The following COQ9 variants were observed in gnomAD, a reference collection of about 807,000 sequenced individuals.
COQ9 encodes the protein coenzyme Q9, also known as ubiquinone biosynthesis protein COQ9, mitochondrial.
In COQ9, 35 loss-of-function variants were observed where a neutral mutation model predicts 42.4. That is an observed-to-expected ratio of 0.83 (90% CI 0.63 to 1.10). COQ9 has a LOEUF of 1.10. COQ9 is among the 50% of genes least tolerant of loss of function. The pLI is 0.00. For synonymous variants in COQ9, 155 were observed against 155.1 expected (o/e 1.00, Z 0.00); for missense variants, 406 against 414.6 (o/e 0.98, Z 0.18).
chr16:57,452,309 A>T (rs2030306932), intron 2 of COQ9, among the ~76,000 whole-genome samples: 2 of 152,112 alleles, frequency 1.3e-5, no homozygotes, highest in Non-Finnish European at 2.9e-5. Flanking sequence ...GCCTATGGGG[A>T]GGGGAAGGAT....
At chr16:57,456,909 T>A in intron 4 of COQ9, 22 bp from the exon 5 acceptor site, 1 of 1,601,740 alleles carries the variant, frequency 6.2e-7, no homozygotes, top group Non-Finnish European at 8.6e-7. Flanking sequence ...AGAGACACAC[T>A]GTTTTCTTTT....
Position 57,456,577 on chromosome 16 carries a change from C to T in COQ9, c.452C>T (p.Thr151Ile), listed in dbSNP as rs1362942475. The change falls in exon 4 of 9, where the codon ACC becomes ATC. Residue 151 changes from threonine to isoleucine, a missense_variant. Coordinates refer to ENST00000262507, the MANE Select transcript of COQ9 (RefSeq NM_020312.4). ...AGTGAGCTAATACTGCATTTTGTGA[C>T]CCAGTGCAATACCCGGCTCACACGT... ...DGSELILHFV[T>I]QCNTRLTRVL... is the part of the protein sequence containing the mutation. The T allele has an allele frequency of 6.2e-7, 1 of 1,614,006 alleles. No homozygotes were observed. The highest frequency in any genetic ancestry group is 8.5e-7 in the Non-Finnish European group (1 of 1,180,016).
At position 57,458,317 on chromosome 16, in the gene COQ9, C is replaced by T; in HGVS notation, c.678C>T (p.Asp226=). 1 of 1,613,150 alleles carries T rather than the reference C, an allele frequency of 6.2e-7. No individual in the cohort carries two copies. The highest frequency in any genetic ancestry group is 1.3e-5 in the African/African-American group (1 of 75,052). Residue 226 remains aspartate (D), a synonymous_variant, in exon 6 of 9, where the codon GAC becomes GAT. Coordinates refer to ENST00000262507, the MANE Select transcript of COQ9 (RefSeq NM_020312.4). ...GCCTGCTCACCAGCATGGTGGATGA[C>T]ATGTGGCATTACGCTGGGGACCAGT... The part of the protein sequence containing the change: ...SLSLLTSMVD[D]MWHYAGDQST...
chr16:57,456,965 G>C lies in COQ9; in HGVS notation c.556G>C (p.Val186Leu), dbSNP rs2030418810. The part of the protein sequence containing the change: ...RKTDQFLRDA[V>L]ETRLRMLIPY... ...GACAGACCAGTTCCTGAGGGATGCA[G>C]TGGAAACCAGACTGAGAATGCTGAT... Residue 186 changes from valine (V) to leucine (L), a missense_variant, in exon 5 of 9, where the codon GTG becomes CTG. Coordinates refer to ENST00000262507, the MANE Select transcript of COQ9 (RefSeq NM_020312.4). The C allele has an allele frequency of 1.4e-5, 22 of 1,614,040 alleles. No homozygotes were observed. The highest frequency in any genetic ancestry group is 1.9e-5 in the Non-Finnish European group (22 of 1,180,010).
intron 4 of COQ9, 113 bp from the exon 5 acceptor site, chr16:57,456,818 C>T (rs2030415116): frequency 7.7e-7 from 1 of 1,292,164 alleles, no homozygotes; most frequent in Non-Finnish European, 1.1e-6. Flanking sequence ...CGGCTTTAGT[C>T]AGGCCAGCGT....
intron 3 of COQ9, chr16:57,453,152 A>ATAG: frequency 1.6e-6 from 1 of 607,590 alleles, no homozygotes. Flanking sequence ...GTTGTGTTCT[A>ATAG]AAGGCAATCT....
chr16:57,454,244 A>G (rs868698076), intron 3 of COQ9: 1 of 152,240 alleles, frequency 6.6e-6, no homozygotes, highest in African/African-American at 2.4e-5. Context: ...CAAAACTACC[A>G]TATTTCATTG....
rs1311234634 is a variant in COQ9 at position 57,456,662 on chromosome 16, T to C, written c.521+16T>C. 3.7e-6 allele frequency: 6 copies of C among 1,611,896 alleles called. No individual in the cohort carries two copies. The highest frequency in any genetic ancestry group is 4.2e-6 in the Non-Finnish European group (5 of 1,179,176). The stretch of plus-strand genomic sequence containing the variant: ...GCCAGGCGGAGTAAGTCCCATGGCA[T>C]TACTACTCAGGGTGGCAGCTAAGGA... On this transcript the variant is annotated intron_variant, in intron 4 of 8. Transcript: ENST00000262507.
At chr16:57,449,448 A>G (rs375044695) in intron 1 of COQ9, among the ~76,000 whole-genome samples, 1 of 152,274 alleles carries the variant, frequency 6.6e-6, no homozygotes, top group African/African-American at 2.4e-5. Context: ...AATCTTTGCC[A>G]GATATACTGA....
intron 3 of COQ9, chr16:57,453,640 T>A (rs2030339652): frequency 1.3e-5 from 2 of 153,444 alleles, no homozygotes; most frequent in South Asian, 4.1e-4. Context: ...GAAATTTAAC[T>A]GTTATTTCCT....
rs2030147795 is a variant in COQ9, at chr16:57,447,511, G to C, written c.6G>C (p.Ala2=). The stretch of plus-strand genomic sequence containing the variant: ...GCGACGTGCCCGCTTCCAAAATGGC[G>C]GCGGCGGCGGTATCTGGTGCGCTTG... M[A]AAAVSGALGR... Residue 2 remains alanine (A), a synonymous_variant, in exon 1 of 9, where the codon GCG becomes GCC. Transcript: ENST00000262507. 7.7e-7 allele frequency: 1 copy of C among 1,306,694 alleles called. No homozygotes were observed. Among genetic ancestry groups the C allele is most frequent in the South Asian group, 2.5e-5 (1 of 39,904 alleles). 80.9% of individuals were successfully genotyped at this position (1,306,694 alleles called of 1,614,324 possible).
intron 5 of COQ9, 42 bp downstream of exon 5, chr16:57,457,057 A>G (rs1441095838): frequency 1.4e-6 from 2 of 1,415,516 alleles, no homozygotes; most frequent in East Asian, 2.3e-5. Context: ...CAATAATCCT[A>G]ATATTTATCA....
Position 57,452,708 on chromosome 16 carries a change from T to TG in COQ9, c.243-92dup, listed in dbSNP as rs1187057979. 1.7e-5 allele frequency: 24 copies of TG among 1,396,064 alleles called. 1 individual carries two copies. The highest frequency in any genetic ancestry group is 2.5e-4 in the Middle Eastern group (1 of 4,044). The allele number at this position is 1,396,064 out of a possible 1,614,324, so 86.5% of individuals were successfully genotyped here. A position where few individuals can be genotyped will look rare whatever the true frequency, so the allele number is the denominator to read the frequency against. ...CAAGAGTAAATGTCTTCCCAGCATG[T>TG]GCTTAGAGGAGATCCAGAGCCCCTA... On this transcript the variant is annotated intron_variant, in intron 2 of 8. Coordinates refer to ENST00000262507, the MANE Select transcript of COQ9 (RefSeq NM_020312.4).
rs1228795437 is a variant in COQ9, at chr16:57,456,611, A to T, written c.486A>T (p.Glu162Asp). 1.2e-6 allele frequency: 2 copies of T among 1,614,106 alleles called. No homozygotes were observed. Among genetic ancestry groups the T allele is most frequent in the South Asian group, 2.2e-5 (2 of 91,068 alleles). Residue 162 changes from glutamate to aspartate, a missense_variant, in exon 4 of 9, where the codon GAA (glutamate) becomes GAT (aspartate). By Grantham distance (45) the Glu-to-Asp change is conservative. Transcript: ENST00000262507. ...QCNTRLTRVL[E>D]EEQKLVQLGQ... ...ATACCCGGCTCACACGTGTGCTAGA[A>T]GAGGAGCAGAAGCTGGTACAGTTGG...
intron 1 of COQ9, 60 bp from the exon 2 acceptor site, chr16:57,450,980 C>G: frequency 1.3e-6 from 2 of 1,583,902 alleles, no homozygotes; most frequent in Non-Finnish European, 1.7e-6. Context: ...TGTGTTACCA[C>G]TCTGGGTCTG....
rs1429914640 is a variant in COQ9 at position 57,460,181 on chromosome 16, A to G, written c.921+77A>G. On this transcript the variant is annotated intron_variant, in intron 8 of 8. Transcript: ENST00000262507. ...GTGATACATGTGTTACTGACTTCAC[A>G]TCATTTTGTAGCCCTAACCTGGAAA... is the stretch of plus-strand genomic sequence containing the variant. The G allele has an allele frequency of 1.5e-5, 21 of 1,409,560 alleles. No homozygotes were observed. In the African/African-American group the frequency reaches 2.4e-4, roughly 16 times the overall value. The allele number at this position is 1,409,560 out of a possible 1,614,324, so 87.3% of individuals were successfully genotyped here. A position where few individuals can be genotyped will look rare whatever the true frequency, so the allele number is the denominator to read the frequency against.
At chr16:57,451,274 TC>T in intron 2 of COQ9, 66 bp downstream of exon 2, 1 of 1,460,220 alleles carries the variant, frequency 6.8e-7, no homozygotes, top group African/African-American at 1.4e-5. Context: ...CTCCTTCACT[TC>T]CTCTCTCCTC....
intron 2 of COQ9, among the ~76,000 whole-genome samples, chr16:57,451,752 T>C (rs149726432): frequency 7.7e-4 from 118 of 152,366 alleles, no homozygotes; most frequent in African/African-American, 2.7e-3. Flanking sequence ...TGTCTTTTCA[T>C]AGCTTAATAG....
At chr16:57,451,245 T>A in intron 2 of COQ9, 37 bp downstream of exon 2, 4 of 1,595,394 alleles carry the variant, frequency 2.5e-6, no homozygotes, top group Non-Finnish European at 3.4e-6. Flanking sequence ...CCACTTCATA[T>A]GCTTCATTAT....
Sources: allele counts gnomAD v4.1 joint callset (sites outside exome capture counted in the v4.1 genomes callset), GRCh38; gene constraint gnomAD v4.1.1; transcripts MANE v1.5; gene names NCBI Gene and HGNC (gene_info 2026-07-23, HGNC 2026-07-21).